Variants in ABHD2 observed in about 807,000 individuals in gnomAD.
ABHD2 encodes abhydrolase domain containing 2, acylglycerol lipase, also known as monoacylglycerol lipase ABHD2.
A neutral mutation model predicts 48.1 loss-of-function variants in ABHD2; 20 were observed. That is an observed-to-expected ratio of 0.42 (90% CI 0.29 to 0.60). The LOEUF (loss-of-function observed/expected upper bound fraction) is 0.60, where lower values mean the gene tolerates loss of function less well. Ranked by LOEUF, ABHD2 falls within the 20% of genes least tolerant of loss-of-function variation. The probability of loss-of-function intolerance (pLI) is 0.24; values close to 1 mark genes in which losing one functional copy is unlikely to be tolerated. For missense variants in ABHD2, 405 were observed against 550.9 expected (o/e 0.74, Z 2.65); for synonymous variants, 209 against 214.2 (o/e 0.98, Z 0.21).
chr15:89,197,142 G>C lies in ABHD2; in HGVS notation c.*1719G>C, dbSNP rs8036512. 57,813 of 152,380 alleles carry C rather than the reference G, an allele frequency of 0.38. 11,334 individuals carry two copies. Among genetic ancestry groups the C allele is most frequent in the Non-Finnish European group, 0.41 (28,005 of 67,932 alleles). The allele number at this position is 152,380 out of a possible 1,614,324, so 9.4% of individuals were successfully genotyped here. A position where few individuals can be genotyped will look rare whatever the true frequency, so the allele number is the denominator to read the frequency against. Reference sequence around the variant, plus strand: ...GGTCCAAGTGACTGTGACGGGACCCGTGGGCATGGGTCCAGGTCTGTAACC... The same window carrying C: ...GGTCCAAGTGACTGTGACGGGACCCCTGGGCATGGGTCCAGGTCTGTAACC... On this transcript the variant is annotated 3_prime_UTR_variant, in exon 11 of 11. Coordinates refer to ENST00000352732, the MANE Select transcript of ABHD2 (RefSeq NM_152924.5). The surrounding 1 kb of genome is among the most constrained non-coding windows in gnomAD (Gnocchi z 4.4).
In ABHD2 at chr15:89,094,294, A is replaced by G. The variant is rs931732963; in HGVS notation, c.-107+5731A>G. The G allele has an allele frequency of 1.3e-5, 2 of 152,142 alleles. No homozygotes were observed. Among genetic ancestry groups the G allele is most frequent in the African/African-American group, 2.4e-5 (1 of 41,418 alleles). 9.4% of individuals were successfully genotyped at this position (152,142 alleles called of 1,614,324 possible). A position where few individuals can be genotyped will look rare whatever the true frequency, so the allele number is the denominator to read the frequency against. On this transcript the variant is annotated intron_variant, in intron 1 of 10. Coordinates refer to ENST00000352732, the MANE Select transcript of ABHD2 (RefSeq NM_152924.5). This position sits in a 1 kb window ranked among gnomAD's most constrained non-coding sequence, Gnocchi z 4.7. ...AGAAGCTTTGAAAGATTGCCTCCCT[A>G]TGTGTACAGTCACTGTAGGCATGTA...
the ABHD2 span, among the ~76,000 whole-genome samples, chr15:89,065,471 C>G: frequency 5.3e-5 from 8 of 152,094 alleles, no homozygotes; most frequent in Non-Finnish European, 1.0e-4. Flanking sequence ...CTCCTGAGGG[C>G]CTCTTGTTTC....
chr15:89,110,070 C>T (rs1474267346), intron 1 of ABHD2, among the ~76,000 whole-genome samples: 1 of 151,856 alleles, frequency 6.6e-6, no homozygotes, highest in Admixed American at 6.6e-5. Flanking sequence ...TTTATACTAT[C>T]TTTTCTCTTA....
rs1555429068 is a variant in ABHD2 at position 89,135,143 on chromosome 15, C to CTTTTCTTTTT, written c.195-16530_195-16529insCTTTTTTTTT. Among the ~76,000 whole-genome samples the CTTTTCTTTTT allele has an allele frequency of 1.4e-3, 153 of 112,030 alleles. 4 individuals are homozygous for CTTTTCTTTTT. Among genetic ancestry groups the CTTTTCTTTTT allele is most frequent in the East Asian group, 3.2e-3 (13 of 4,030 alleles). The allele number at this position is 112,030 out of a possible 152,430, so 73.5% of individuals were successfully genotyped here. A position where few individuals can be genotyped will look rare whatever the true frequency, so the allele number is the denominator to read the frequency against. On this transcript the variant is annotated intron_variant, in intron 3 of 10. Coordinates refer to ENST00000352732, the MANE Select transcript of ABHD2 (RefSeq NM_152924.5). ...GTCAACAAAATGGCTACAACTTTTT[C>CTTTTCTTTTT]TTTTTTTTTTTTTTTTTTGCAATTA...
At chr15:89,178,213 C>A (rs768541606) in intron 6 of ABHD2, among the ~76,000 whole-genome samples, 3 of 152,210 alleles carry the variant, frequency 2.0e-5, no homozygotes, top group African/African-American at 7.2e-5. Flanking sequence ...GGAACTGGCA[C>A]CAGGTCAGAG....
At chr15:89,148,785 G>A (rs530717669) in intron 3 of ABHD2, among the ~76,000 whole-genome samples, 3 of 152,294 alleles carry the variant, frequency 2.0e-5, no homozygotes, top group East Asian at 1.9e-4. Context: ...ATTATTGGCC[G>A]CTACATTTTC....
At chr15:89,051,618 G>A in the ABHD2 span, among the ~76,000 whole-genome samples, 1 of 152,168 alleles carries the variant, frequency 6.6e-6, no homozygotes, top group South Asian at 2.1e-4. Flanking sequence ...ACCGAATCAT[G>A]GGGGCGGGTC....
At chr15:89,172,972 C>G (rs750158588) in intron 5 of ABHD2, among the ~76,000 whole-genome samples, 2 of 152,184 alleles carry the variant, frequency 1.3e-5, no homozygotes, top group African/African-American at 2.4e-5. Context: ...AAATTGAGAA[C>G]ATTTGGGGCC....
chr15:89,201,320 A>AGT lies in ABHD2; in HGVS notation c.*5899_*5900dup. ...TAGTTTCCTTGTTTCAGTATCATGA[A>AGT]GTGAAGCACTGTGTGGTTGTGGCGT... On this transcript the variant is annotated 3_prime_UTR_variant, in exon 11 of 11. Transcript: ENST00000352732. 1 of 1,066,372 alleles carries AGT rather than the reference A, an allele frequency of 9.4e-7. No individual in the cohort carries two copies. The highest frequency in any genetic ancestry group is 1.4e-6 in the Non-Finnish European group (1 of 698,056). 66.1% of individuals were successfully genotyped at this position (1,066,372 alleles called of 1,614,324 possible).
intron 3 of ABHD2, among the ~76,000 whole-genome samples, chr15:89,122,159 C>T (rs893964516): frequency 3.9e-5 from 6 of 152,214 alleles, no homozygotes; most frequent in Non-Finnish European, 8.8e-5. Context: ...AGATACTATT[C>T]TCTAACTTGC....
the ABHD2 span, among the ~76,000 whole-genome samples, chr15:89,046,301 G>A: frequency 3.9e-5 from 6 of 152,204 alleles, no homozygotes; most frequent in Non-Finnish European, 8.8e-5. Flanking sequence ...TGGTTTGCCA[G>A]TATTTTACTG....
chr15:89,150,542 C>T (rs761064235), intron 3 of ABHD2, among the ~76,000 whole-genome samples: 38 of 152,148 alleles, frequency 2.5e-4, no homozygotes, highest in African/African-American at 4.1e-4. Context: ...TCCCCTCCCC[C>T]GAAAAGGAAG....
the ABHD2 span, among the ~76,000 whole-genome samples, chr15:89,056,436 A>G: frequency 4.4e-3 from 677 of 152,158 alleles, 4 homozygotes; most frequent in African/African-American, 0.015. Flanking sequence ...CCGGGCACAG[A>G]TCGAGACCAT....
intron 6 of ABHD2, among the ~76,000 whole-genome samples, chr15:89,181,760 C>T (rs960329675): frequency 6.6e-6 from 1 of 152,224 alleles, no homozygotes; most frequent in Admixed American, 6.5e-5. Context: ...ACTTGGTCCA[C>T]TCACTTTGCA....
At chr15:89,078,699 G>T in the ABHD2 span, among the ~76,000 whole-genome samples, 1 of 148,200 alleles carries the variant, frequency 6.7e-6, no homozygotes, top group African/African-American at 2.5e-5. Flanking sequence ...ACACAGTTCT[G>T]TTGAATCTCA....
At chr15:89,049,689 A>T in the ABHD2 span, among the ~76,000 whole-genome samples, 1 of 152,366 alleles carries the variant, frequency 6.6e-6, no homozygotes, top group Admixed American at 6.5e-5. Context: ...TGACTAGGAA[A>T]TGGAACTCCC....
chr15:89,131,967 A>T (rs1428614767), intron 3 of ABHD2, among the ~76,000 whole-genome samples: 2 of 152,200 alleles, frequency 1.3e-5, no homozygotes, highest in African/African-American at 4.8e-5. Flanking sequence ...AAAGGAGTTA[A>T]GAATAGTCAT....
At chr15:89,072,466 A>C in the ABHD2 span, among the ~76,000 whole-genome samples, 1 of 149,490 alleles carries the variant, frequency 6.7e-6, no homozygotes. Flanking sequence ...ACAGAGCAAG[A>C]CTCGGTCTCA....
intron 5 of ABHD2, among the ~76,000 whole-genome samples, chr15:89,169,019 G>A (rs1010079558): frequency 6.6e-6 from 1 of 152,150 alleles, no homozygotes; most frequent in Non-Finnish European, 1.5e-5. Context: ...TTGAGCTTGG[G>A]GAGGTCAAGG....
Sources: gnomAD v4.1 joint callset for allele counts (sites outside exome capture counted in the v4.1 genomes callset) on GRCh38, gnomAD v4.1.1 for gene constraint, Gnocchi (gnomAD v3.1) non-coding constraint, MANE v1.5 for transcripts, NCBI Gene and HGNC (gene_info 2026-07-23, HGNC 2026-07-21) for gene names.